KMT2E: variants seen among roughly 807,000 people sequenced by gnomAD.
KMT2E encodes histone reader KMT2E.
A neutral mutation model predicts 184.6 loss-of-function variants in KMT2E; 30 were observed. That is an observed-to-expected ratio of 0.16 (90% confidence interval 0.12 to 0.22). The LOEUF (loss-of-function observed/expected upper bound fraction) is 0.22, where lower values mean the gene tolerates loss of function less well. KMT2E is among the 10% of genes least tolerant of loss of function. The pLI, the probability that KMT2E is intolerant of heterozygous loss-of-function variation, is 1.00. For missense variants in KMT2E, 2,023 were observed against 2,237.4 expected, an observed-to-expected ratio of 0.90 and a Z score of 1.93; for synonymous variants, 815 against 776.5, an observed-to-expected ratio of 1.05 and a Z score of -0.82.
chr7:105,109,134 G>A lies in KMT2E; in HGVS notation c.3661G>A (p.Ala1221Thr). ...HTASLPLPTP[A>T]TVYNATSEET... Reference sequence around the variant, plus strand: ...TGCTAGCCTACCTTTACCAACACCAGCTACAGTTTATAATGCCACTTCTGA... The same window carrying A: ...TGCTAGCCTACCTTTACCAACACCAACTACAGTTTATAATGCCACTTCTGA... The change falls in exon 23 of 27, where the codon GCT (alanine) becomes ACT (threonine). Residue 1221 changes from alanine to threonine, a missense_variant. By Grantham distance (58) the Ala-to-Thr change is moderately conservative (BLOSUM62 0). This residue lies in a region of KMT2E where 1,108 missense variants were observed against 1,050.9 expected (regional missense o/e 1.05). Coordinates refer to ENST00000311117, the MANE Select transcript of KMT2E (RefSeq NM_182931.3). 6.2e-7 allele frequency: 1 copy of A among 1,614,140 alleles called. No homozygotes were observed. The highest frequency in any genetic ancestry group is 8.5e-7 in the Non-Finnish European group (1 of 1,179,996).
At chr7:105,098,715 G>A (rs1272058595) in intron 15 of KMT2E, among the ~76,000 whole-genome samples, 2 of 151,968 alleles carry the variant, frequency 1.3e-5, no homozygotes, top group African/African-American at 4.8e-5. Context: ...AAATTTTTTT[G>A]TGGAGATGGG....
chr7:105,109,178 C>T lies in KMT2E; in HGVS notation c.3705C>T (p.Cys1235=). Residue 1235 remains cysteine, a synonymous_variant, in exon 23 of 27, where the codon TGC becomes TGT. Transcript: ENST00000311117. The stretch of plus-strand genomic sequence containing the variant: ...CTTCTGAAGAAACTAGCAATAACTG[C>T]CCTGTTAAGGATGCTACTGCTAGTG... The part of the protein sequence containing the change: ...NATSEETSNN[C]PVKDATASEK... 1.9e-6 allele frequency: 3 copies of T among 1,614,044 alleles called. No individual in the cohort carries two copies. The highest frequency in any genetic ancestry group is 1.3e-5 in the African/African-American group (1 of 75,036).
intron 26 of KMT2E, 123 bp from the exon 27 acceptor site, chr7:105,111,702 C>T (rs769316518): frequency 1.7e-6 from 2 of 1,146,348 alleles, no homozygotes; most frequent in East Asian, 2.6e-5. Context: ...TTGACGTATC[C>T]AGGATGTTAT....
In KMT2E at chr7:105,069,440, A is replaced by G. The variant is rs151113835; in HGVS notation, c.497+2633A>G. Among the ~76,000 whole-genome samples, 620 of 152,342 alleles carry G rather than the reference A, an allele frequency of 4.1e-3. 2 individuals are homozygous for G. Among genetic ancestry groups the G allele is most frequent in the African/African-American group, 0.014 (591 of 41,576 alleles). On this transcript the variant is annotated intron_variant, in intron 6 of 26. Transcript: ENST00000311117. The stretch of plus-strand genomic sequence containing the variant: ...GAGTAACAACACCAGCAACACTAGC[A>G]CCAACAATATGATTGTGTAAAACAG...
At position 105,105,937 on chromosome 7, in the gene KMT2E, A is replaced by G. The variant is rs376005597; in HGVS notation, c.2530A>G (p.Arg844Gly). Reference protein sequence around the residue: ...RFNSPCQERSRSPAVNGENKS... With the variant: ...RFNSPCQERSGSPAVNGENKS... ...TAATTCACCCTGTCAAGAAAGATCC[A>G]GAAGTCCTGCAGTCAATGGTGAAAA... is the stretch of plus-strand genomic sequence containing the variant. Residue 844 changes from arginine to glycine, a missense_variant, in exon 19 of 27, where the codon AGA becomes GGA. Physicochemically the swap from Arg to Gly is moderately radical, Grantham distance 125. Coordinates refer to ENST00000311117, the MANE Select transcript of KMT2E (RefSeq NM_182931.3). The G allele has an allele frequency of 1.2e-6, 2 of 1,613,732 alleles. No homozygotes were observed. The highest frequency in any genetic ancestry group is 2.7e-5 in the African/African-American group (2 of 74,932).
Position 105,112,314 on chromosome 7 carries a change from A to C in KMT2E, c.4558A>C (p.Thr1520Pro). 1 of 1,613,896 alleles carries C rather than the reference A, an allele frequency of 6.2e-7. No individual in the cohort carries two copies. Residue 1520 changes from threonine to proline, a missense_variant, in exon 27 of 27, where the codon ACA becomes CCA. This residue lies in a region of KMT2E where 1,108 missense variants were observed against 1,050.9 expected (regional missense o/e 1.05). Transcript: ENST00000311117. ...TQQATSGTLF[T>P]QTPSGQSSAT... ...GCAGGCAACTTCTGGAACATTATTT[A>C]CACAGACACCCTCAGGACAATCTTC...
intron 17 of KMT2E, chr7:105,104,322 C>G (rs1034224481): frequency 1.3e-5 from 2 of 152,162 alleles, no homozygotes; most frequent in African/African-American, 4.8e-5. Flanking sequence ...TGAAAAATTT[C>G]AAAGCACAAG....
intron 15 of KMT2E, among the ~76,000 whole-genome samples, chr7:105,099,286 G>A (rs1341841680): frequency 6.6e-6 from 1 of 152,208 alleles, no homozygotes; most frequent in Non-Finnish European, 1.5e-5. Flanking sequence ...TTGGAAAGAA[G>A]AGTAATACAG....
intron 15 of KMT2E, among the ~76,000 whole-genome samples, chr7:105,098,088 TACCC>T (rs1425772667): frequency 1.3e-5 from 2 of 152,240 alleles, no homozygotes; most frequent in Admixed American, 1.3e-4. Context: ...CAAATAATCT[TACCC>T]ATCTTTTTAG....
intron 6 of KMT2E, among the ~76,000 whole-genome samples, chr7:105,067,950 T>A (rs1797105181): frequency 6.6e-6 from 1 of 152,118 alleles, no homozygotes; most frequent in Admixed American, 6.6e-5. Flanking sequence ...CCAGCTTAGA[T>A]GACAGAGTGA....
At chr7:105,031,754 A>G (rs1288839066) in intron 1 of KMT2E, among the ~76,000 whole-genome samples, 2 of 149,814 alleles carry the variant, frequency 1.3e-5, no homozygotes, top group East Asian at 4.0e-4. Context: ...TGTCTCAAAA[A>G]TAAATAAATA....
intron 2 of KMT2E, among the ~76,000 whole-genome samples, chr7:105,040,372 G>T (rs1795826356): frequency 6.6e-6 from 1 of 152,022 alleles, no homozygotes; most frequent in Admixed American, 6.6e-5. Flanking sequence ...GCCTGTTTTG[G>T]TTTTCTTTTC....
Position 105,112,315 on chromosome 7 carries a change from C to T in KMT2E, c.4559C>T (p.Thr1520Ile). 6.2e-7 allele frequency: 1 copy of T among 1,613,906 alleles called. No individual in the cohort carries two copies. The highest frequency in any genetic ancestry group is 8.5e-7 in the Non-Finnish European group (1 of 1,180,024). The change falls in exon 27 of 27, where the codon ACA becomes ATA. Residue 1520 changes from threonine (T) to isoleucine (I), a missense_variant. Physicochemically the swap from Thr to Ile is moderately conservative, Grantham distance 89. Transcript: ENST00000311117. ...TQQATSGTLF[T>I]QTPSGQSSAT... is the part of the protein sequence containing the mutation. The stretch of plus-strand genomic sequence containing the variant: ...CAGGCAACTTCTGGAACATTATTTA[C>T]ACAGACACCCTCAGGACAATCTTCA...
chr7:105,072,548 G>A (rs1395442562), intron 6 of KMT2E, among the ~76,000 whole-genome samples: 1 of 152,164 alleles, frequency 6.6e-6, no homozygotes, highest in Non-Finnish European at 1.5e-5. Context: ...TATATACAGT[G>A]AAAAAGTTGG....
At chr7:105,074,406 C>T (rs1797447484) in intron 7 of KMT2E, among the ~76,000 whole-genome samples, 1 of 152,136 alleles carries the variant, frequency 6.6e-6, no homozygotes, top group African/African-American at 2.4e-5. Flanking sequence ...AGTGCTGTTT[C>T]CCACAGGCAC....
In KMT2E at chr7:105,107,486, A is replaced by G. The variant is rs770397121; in HGVS notation, c.3029A>G (p.Asn1010Ser). ...YTSPRSRTEV[N>S]RQCPGEKEPV... ...AGCCCTAGGAGTAGGACTGAAGTCA[A>G]CAGGCAGTGTCCTGGAGAAAAGGAA... The change falls in exon 22 of 27, where the codon AAC (asparagine) becomes AGC (serine). Residue 1010 changes from asparagine to serine, a missense_variant. By Grantham distance (46) the Asn-to-Ser change is conservative. Around this residue, in one of 8 missense-constraint regions of KMT2E, gnomAD observed 1,108 missense variants for 1,050.9 expected, o/e 1.05. Coordinates refer to ENST00000311117, the MANE Select transcript of KMT2E (RefSeq NM_182931.3). 4 of 1,614,236 alleles carry G rather than the reference A, an allele frequency of 2.5e-6. No individual in the cohort carries two copies. Among genetic ancestry groups the G allele is most frequent in the Admixed American group, 3.3e-5 (2 of 60,028 alleles).
At chr7:105,098,614 G>A (rs971528698) in intron 15 of KMT2E, among the ~76,000 whole-genome samples, 4 of 152,076 alleles carry the variant, frequency 2.6e-5, no homozygotes, top group African/African-American at 9.7e-5. Flanking sequence ...TGTTGGCCAG[G>A]ATGGTCTTGA....
intron 6 of KMT2E, among the ~76,000 whole-genome samples, chr7:105,072,842 AG>A (rs1418892201): frequency 3.3e-5 from 5 of 152,104 alleles, no homozygotes; most frequent in African/African-American, 1.2e-4. Flanking sequence ...TGAACCCAGG[AG>A]GCAGAGGTTG....
intron 1 of KMT2E, among the ~76,000 whole-genome samples, chr7:105,035,906 G>T (rs1795634487): frequency 6.6e-6 from 1 of 152,162 alleles, no homozygotes; most frequent in African/African-American, 2.4e-5. Flanking sequence ...CACGTTTGTG[G>T]TGTTTTAATG....
Sources: gnomAD v4.1 joint callset for allele counts (sites outside exome capture counted in the v4.1 genomes callset) on GRCh38, gnomAD v4.1.1 for gene constraint, gnomAD v4.1.1 regional missense constraint, MANE v1.5 for transcripts, NCBI Gene and HGNC (gene_info 2026-07-23, HGNC 2026-07-21) for gene names.